The following PDCD1LG2 variants were observed in gnomAD, a reference collection of about 807,000 sequenced individuals.
PDCD1LG2 encodes B7 dendritic cell molecule.
A neutral mutation model predicts 28.2 loss-of-function variants in PDCD1LG2; 32 were observed. The ratio of observed to expected loss-of-function variants is 1.13; its 90% CI spans 0.86 to 1.52. The LOEUF (loss-of-function observed/expected upper bound fraction) is 1.52. Ranked by LOEUF, PDCD1LG2 falls within the 40% of genes most tolerant of loss-of-function variation. The probability of loss-of-function intolerance (pLI) is 0.00; values close to 1 mark genes in which losing one functional copy is unlikely to be tolerated. For synonymous variants in PDCD1LG2, 116 were observed against 120.2 expected, an observed-to-expected ratio of 0.97 and a Z score of 0.23; for missense variants, 385 against 323.8, an observed-to-expected ratio of 1.19 and a Z score of -1.45.
At chr9:5,540,204 A>G (rs532727115) in intron 3 of PDCD1LG2, among the ~76,000 whole-genome samples, 53 of 152,306 alleles carry the variant, frequency 3.5e-4, no homozygotes, top group Admixed American at 2.7e-3. Context: ...TAGTGACACA[A>G]CCTATCAAAA....
rs1239763656 is a variant in PDCD1LG2, at chr9:5,570,618, T to C, written c.*659T>C. ...AAGTCACAAAGCATTTGTTTTAACC[T>C]GTAATGGCACCATGTTTAATGGTGG... On this transcript the variant is annotated 3_prime_UTR_variant, in exon 7 of 7. Coordinates refer to ENST00000397747, the MANE Select transcript of PDCD1LG2 (RefSeq NM_025239.4). The C allele has an allele frequency of 4.3e-6, 1 of 232,514 alleles. No homozygotes were observed. Among genetic ancestry groups the C allele is most frequent in the Admixed American group, 5.6e-5 (1 of 17,760 alleles). 14.4% of individuals were successfully genotyped at this position (232,514 alleles called of 1,614,324 possible).
At chr9:5,512,682 G>A (rs1820084544) in intron 1 of PDCD1LG2, among the ~76,000 whole-genome samples, 1 of 151,870 alleles carries the variant, frequency 6.6e-6, no homozygotes, top group South Asian at 2.1e-4. Flanking sequence ...CTTATCTTTA[G>A]CCCTAAATTT....
chr9:5,557,526 C>T (rs2129919005), intron 4 of PDCD1LG2, 92 bp from the exon 5 acceptor site: 1 of 1,425,906 alleles, frequency 7.0e-7, no homozygotes. Context: ...ACAGAGCTAG[C>T]CGTGTTGGCT....
chr9:5,562,334 G>A (rs750542947), intron 5 of PDCD1LG2, among the ~76,000 whole-genome samples: 2 of 152,208 alleles, frequency 1.3e-5, no homozygotes, highest in Non-Finnish European at 2.9e-5. Flanking sequence ...AATGTGTTTT[G>A]CAACAACTTG....
At chr9:5,540,805 T>C (rs1273015883) in intron 3 of PDCD1LG2, among the ~76,000 whole-genome samples, 1 of 152,140 alleles carries the variant, frequency 6.6e-6, no homozygotes, top group African/African-American at 2.4e-5. Flanking sequence ...TTGGTACCAA[T>C]TCTATTGACA....
intron 1 of PDCD1LG2, among the ~76,000 whole-genome samples, chr9:5,517,099 G>A (rs922652971): frequency 6.6e-6 from 1 of 152,206 alleles, no homozygotes; most frequent in African/African-American, 2.4e-5. Context: ...ACTCCAGCCT[G>A]GGCAACAGAA....
intron 5 of PDCD1LG2, among the ~76,000 whole-genome samples, chr9:5,560,226 T>C (rs1816532019): frequency 6.6e-6 from 1 of 152,236 alleles, no homozygotes; most frequent in South Asian, 2.1e-4. Flanking sequence ...ATTCCTCAAG[T>C]ACCCACATGC....
intron 3 of PDCD1LG2, among the ~76,000 whole-genome samples, chr9:5,539,436 G>C (rs1297177234): frequency 6.6e-6 from 1 of 152,182 alleles, no homozygotes; most frequent in Non-Finnish European, 1.5e-5. Flanking sequence ...AAATGGGTTT[G>C]TTTATAGCAC....
At position 5,535,009 on chromosome 9, in the gene PDCD1LG2, G is replaced by T. The variant is rs1284386383; in HGVS notation, c.320G>T (p.Gly107Val). 5 of 1,613,442 alleles carry T rather than the reference G, an allele frequency of 3.1e-6. No homozygotes were observed. The highest frequency in any genetic ancestry group is 4.2e-6 in the Non-Finnish European group (5 of 1,179,608). ...CAGTACCAATGCATAATCATCTATG[G>T]GGTCGCCTGGGACTACAAGTACCTG... The part of the protein sequence containing the change: ...EGQYQCIIIY[G>V]VAWDYKYLTL... Residue 107 changes from glycine to valine, a missense_variant, in exon 3 of 7, where the codon GGG becomes GTG. Gly to Val is a moderately radical substitution (Grantham distance 109). Coordinates refer to ENST00000397747, the MANE Select transcript of PDCD1LG2 (RefSeq NM_025239.4).
At chr9:5,552,924 C>T (rs939479544) in intron 4 of PDCD1LG2, among the ~76,000 whole-genome samples, 2 of 152,128 alleles carry the variant, frequency 1.3e-5, no homozygotes, top group African/African-American at 4.8e-5. Flanking sequence ...AGAGAGGAGT[C>T]ATGCTAAGGA....
At chr9:5,524,210 G>C (rs1820328931) in intron 2 of PDCD1LG2, among the ~76,000 whole-genome samples, 1 of 152,166 alleles carries the variant, frequency 6.6e-6, no homozygotes, top group Non-Finnish European at 1.5e-5. Context: ...ATAGTTATTA[G>C]GTGACACCGG....
At position 5,520,921 on chromosome 9, in the gene PDCD1LG2, A is replaced by C. The variant is rs186495478; in HGVS notation, c.-14-1612A>C. On this transcript the variant is annotated intron_variant, in intron 1 of 6. Transcript: ENST00000397747. ...GACAAAGACTTGTATATGAGTTTTC[A>C]TAGGAACTTTATTCATAATAGCCAA... 3.8e-4 allele frequency among the ~76,000 whole-genome samples: 58 copies of C among 152,362 alleles called. 2 individuals are homozygous for C. The East Asian group carries it at 8.1e-3, about 21-fold the overall frequency.
chr9:5,553,772 A>T (rs890462783), intron 4 of PDCD1LG2, among the ~76,000 whole-genome samples: 10 of 152,170 alleles, frequency 6.6e-5, no homozygotes, highest in Non-Finnish European at 1.2e-4. Flanking sequence ...TCATAAATAC[A>T]GCCATCAGGG....
intron 1 of PDCD1LG2, among the ~76,000 whole-genome samples, chr9:5,521,367 T>G (rs116068380): frequency 0.035 from 5,386 of 152,288 alleles, 330 homozygotes; most frequent in African/African-American, 0.12. Context: ...GTTTGTGTTT[T>G]AAATATATAT....
At chr9:5,560,045 T>A (rs1816528283) in intron 5 of PDCD1LG2, among the ~76,000 whole-genome samples, 1 of 152,224 alleles carries the variant, frequency 6.6e-6, no homozygotes, top group South Asian at 2.1e-4. Context: ...CATCAAGTCT[T>A]TCCTAATTCT....
intron 1 of PDCD1LG2, among the ~76,000 whole-genome samples, chr9:5,516,177 G>C (rs1045783292): frequency 2.6e-5 from 4 of 151,818 alleles, no homozygotes; most frequent in African/African-American, 4.8e-5. Context: ...TCAGCCTCCC[G>C]AGTAGCTGGT....
At chr9:5,522,696 C>CCACA in intron 2 of PDCD1LG2, 95 bp downstream of exon 2, 1 of 1,101,930 alleles carries the variant, frequency 9.1e-7, no homozygotes, top group South Asian at 1.4e-5. Context: ...AGGCTGAGGG[C>CCACA]TTTCTTTGAG....
At chr9:5,527,345 T>G (rs980109259) in intron 2 of PDCD1LG2, among the ~76,000 whole-genome samples, 1 of 152,268 alleles carries the variant, frequency 6.6e-6, no homozygotes, top group Non-Finnish European at 1.5e-5. Flanking sequence ...AGGCACTTAC[T>G]GATCTATTTT....
rs76508446 is a variant in PDCD1LG2 at position 5,545,161 on chromosome 9, T to G, written c.362-4174T>G. On this transcript the variant is annotated intron_variant, in intron 3 of 6. Coordinates refer to ENST00000397747, the MANE Select transcript of PDCD1LG2 (RefSeq NM_025239.4). ...ACGTTCTAGACATCTAACTAATTAT[T>G]TAACACCCTTGTTAAGGATAAGTAT... 3.2e-3 allele frequency among the ~76,000 whole-genome samples: 491 copies of G among 152,350 alleles called. 2 individuals carry two copies. Among genetic ancestry groups the G allele is most frequent in the Non-Finnish European group, 3.9e-3 (263 of 68,036 alleles).
Sources: gnomAD v4.1 joint callset for allele counts (sites outside exome capture counted in the v4.1 genomes callset) on GRCh38, gnomAD v4.1.1 for gene constraint, MANE v1.5 for transcripts, NCBI Gene and HGNC (gene_info 2026-07-23, HGNC 2026-07-21) for gene names.